The following CLSTN2 variants were observed in gnomAD, a reference collection of about 807,000 sequenced individuals.
The protein encoded by CLSTN2 is calsyntenin 2.
Under a neutral mutation model 101.2 loss-of-function variants are expected in CLSTN2, and 48 were observed. The observed-to-expected ratio is 0.47, with a 90% CI of 0.38 to 0.60. CLSTN2 has a LOEUF of 0.60. Ranked by LOEUF, CLSTN2 falls within the 20% of genes least tolerant of loss-of-function variation. CLSTN2 has a pLI of 0.00. For missense variants in CLSTN2, 1,160 were observed against 1,238.2 expected (o/e 0.94, Z 0.95); for synonymous variants, 481 against 463.6 (o/e 1.04, Z -0.48).
intron 1 of CLSTN2, among the ~76,000 whole-genome samples, chr3:140,050,410 T>C (rs1235663532): frequency 6.6e-6 from 1 of 152,172 alleles, no homozygotes; most frequent in African/African-American, 2.4e-5. Context: ...GTAGCAATGT[T>C]AAGGGATACC....
At chr3:140,040,128 G>A (rs2007731744) in intron 1 of CLSTN2, among the ~76,000 whole-genome samples, 1 of 152,152 alleles carries the variant, frequency 6.6e-6, no homozygotes. Context: ...AATTCACCCA[G>A]TCTGATTCTC....
At chr3:140,241,812 C>CAT (rs1322910860) in intron 2 of CLSTN2, among the ~76,000 whole-genome samples, 16 of 137,704 alleles carry the variant, frequency 1.2e-4, no homozygotes, top group Non-Finnish European at 1.7e-4. Flanking sequence ...TATATATACA[C>CAT]ATATATATAT....
chr3:140,240,370 A>G (rs2086456855), intron 2 of CLSTN2, among the ~76,000 whole-genome samples: 1 of 17,468 alleles, frequency 5.7e-5, no homozygotes, highest in Admixed American at 1.2e-3. Flanking sequence ...TGAGCTAGTT[A>G]CATGAACAAA....
chr3:140,191,905 C>T (rs2010570849), intron 2 of CLSTN2, among the ~76,000 whole-genome samples: 1 of 151,430 alleles, frequency 6.6e-6, no homozygotes, highest in African/African-American at 2.4e-5. Flanking sequence ...TTATTTTGCC[C>T]TTCTTTACCT....
intron 1 of CLSTN2, among the ~76,000 whole-genome samples, chr3:140,083,040 A>G (rs941849995): frequency 3.9e-5 from 6 of 151,996 alleles, no homozygotes; most frequent in African/African-American, 1.5e-4. Flanking sequence ...CAATAATTAA[A>G]CTTTATTAGG....
At chr3:140,449,785 T>G (rs1030736180) in intron 6 of CLSTN2, 3 of 152,216 alleles carry the variant, frequency 2.0e-5, no homozygotes, top group Non-Finnish European at 4.4e-5. Flanking sequence ...TTCTGTTTGT[T>G]AAAGATAAGC....
intron 2 of CLSTN2, among the ~76,000 whole-genome samples, chr3:140,237,066 A>G (rs2086424969): frequency 6.6e-6 from 1 of 152,004 alleles, no homozygotes; most frequent in African/African-American, 2.4e-5. Flanking sequence ...ATAATTTTTT[A>G]TTGGATTCTG....
chr3:140,469,802 T>G (rs1933793903), intron 8 of CLSTN2, among the ~76,000 whole-genome samples: 1 of 151,958 alleles, frequency 6.6e-6, no homozygotes, highest in Non-Finnish European at 1.5e-5. Flanking sequence ...AAGGGAGAGA[T>G]GAAGTGAGGC....
intron 1 of CLSTN2, among the ~76,000 whole-genome samples, chr3:140,085,600 A>G (rs978041314): frequency 9.2e-5 from 14 of 152,132 alleles, no homozygotes; most frequent in Admixed American, 3.9e-4. Flanking sequence ...CTAGTTGTGT[A>G]TGGCTGGGTG....
At chr3:140,075,745 T>C (rs2008476422) in intron 1 of CLSTN2, among the ~76,000 whole-genome samples, 1 of 152,170 alleles carries the variant, frequency 6.6e-6, no homozygotes. Context: ...TTTTTGGTTC[T>C]AGTGCTCAGC....
At chr3:140,197,670 T>C (rs2010663520) in intron 2 of CLSTN2, among the ~76,000 whole-genome samples, 1 of 152,098 alleles carries the variant, frequency 6.6e-6, no homozygotes, top group African/African-American at 2.4e-5. Flanking sequence ...TAATGGGAGA[T>C]TATAGGTTGC....
chr3:140,029,229 G>A (rs1447325125), intron 1 of CLSTN2, among the ~76,000 whole-genome samples: 1 of 152,132 alleles, frequency 6.6e-6, no homozygotes, highest in African/African-American at 2.4e-5. Context: ...CTCTTAGGTT[G>A]TCTGGAGTGA....
At chr3:140,380,888 A>G (rs1359268990) in intron 2 of CLSTN2, among the ~76,000 whole-genome samples, 1 of 152,174 alleles carries the variant, frequency 6.6e-6, no homozygotes, top group Non-Finnish European at 1.5e-5. Context: ...CAATTGAAGA[A>G]GTGTAGTTGT....
intron 1 of CLSTN2, among the ~76,000 whole-genome samples, chr3:140,144,636 A>G (rs2009754708): frequency 1.3e-5 from 2 of 152,052 alleles, no homozygotes; most frequent in African/African-American, 4.8e-5. Context: ...AGTACTTAAA[A>G]TGCTTCCACC....
intron 8 of CLSTN2, among the ~76,000 whole-genome samples, chr3:140,526,510 A>G (rs541327703): frequency 6.6e-6 from 1 of 151,910 alleles, no homozygotes; most frequent in Admixed American, 6.6e-5. Context: ...TATACGTTAA[A>G]TGCTATCCCT....
chr3:140,471,403 T>C (rs956889351), intron 8 of CLSTN2, among the ~76,000 whole-genome samples: 7 of 152,164 alleles, frequency 4.6e-5, no homozygotes, highest in African/African-American at 1.4e-4. Flanking sequence ...ACAGCCTCAA[T>C]TGACCAGCAA....
intron 1 of CLSTN2, among the ~76,000 whole-genome samples, chr3:140,096,424 G>A (rs978229895): frequency 6.6e-6 from 1 of 152,218 alleles, no homozygotes; most frequent in Non-Finnish European, 1.5e-5. Context: ...GAGGATAAAT[G>A]TCATCCTTGG....
At chr3:140,235,194 A>T (rs192236962) in intron 2 of CLSTN2, among the ~76,000 whole-genome samples, 87 of 152,370 alleles carry the variant, frequency 5.7e-4, no homozygotes, top group African/African-American at 1.9e-3. Context: ...CCATGCTTTT[A>T]GTACATGGCT....
intron 4 of CLSTN2, among the ~76,000 whole-genome samples, chr3:140,409,933 G>A (rs1003955216): frequency 1.3e-5 from 2 of 151,888 alleles, no homozygotes; most frequent in Non-Finnish European, 2.9e-5. Flanking sequence ...TTCAGTAGCT[G>A]ACTCAACCAA....
Sources: allele counts gnomAD v4.1 joint callset (sites outside exome capture counted in the v4.1 genomes callset), GRCh38; gene constraint gnomAD v4.1.1; transcripts MANE v1.5; gene names NCBI Gene and HGNC (gene_info 2026-07-23, HGNC 2026-07-21).